The following SORBS2 variants were observed in gnomAD, a reference collection of about 807,000 sequenced individuals.
SORBS2 encodes the protein sorbin and SH3 domain-containing protein 2.
A neutral mutation model predicts 97.7 loss-of-function variants in SORBS2; 46 were observed. The ratio of observed to expected loss-of-function variants is 0.47; its 90% CI spans 0.37 to 0.60. SORBS2 has a LOEUF of 0.60. Ranked by LOEUF, SORBS2 falls within the 20% of genes least tolerant of loss-of-function variation. The pLI, the probability that SORBS2 is intolerant of heterozygous loss-of-function variation, is 0.00. For synonymous variants in SORBS2, 476 were observed against 473.4 expected (o/e 1.01, Z -0.07); for missense variants, 1,316 against 1,282.3 (o/e 1.03, Z -0.40).
At chr4:185,917,931 A>G (rs2099259063) in intron 1 of SORBS2, among the ~76,000 whole-genome samples, 1 of 152,220 alleles carries the variant, frequency 6.6e-6, no homozygotes. Flanking sequence ...CCTGACTGTC[A>G]ACGATAGAAC....
In SORBS2 at chr4:185,885,998, CT is replaced by C. The variant is rs2099239213; in HGVS notation, c.-338+70197del. ...AAAATCCACAGCATTAGACATGTCT[CT>C]TGTAAGTTACTGCGCCCCTTAGTAA... is the stretch of plus-strand genomic sequence containing the variant. On this transcript the variant is annotated intron_variant, in intron 1 of 20. Transcript: ENST00000284776. Among the ~76,000 whole-genome samples, 3 of 152,320 alleles carry C rather than the reference CT, an allele frequency of 2.0e-5. No homozygotes were observed. The South Asian group carries it at 6.2e-4, about 32-fold the overall frequency.
At chr4:185,728,879 C>T (rs903373066) in intron 2 of SORBS2, among the ~76,000 whole-genome samples, 1 of 152,246 alleles carries the variant, frequency 6.6e-6, no homozygotes, top group African/African-American at 2.4e-5. Flanking sequence ...CCAGTGGCAT[C>T]TCCAGCCCTG....
chr4:185,872,700 A>C (rs1200852850), intron 1 of SORBS2, among the ~76,000 whole-genome samples: 1 of 152,218 alleles, frequency 6.6e-6, no homozygotes, highest in African/African-American at 2.4e-5. Flanking sequence ...GGAAGAGAAA[A>C]AGAGAAATGT....
intron 2 of SORBS2, among the ~76,000 whole-genome samples, chr4:185,691,856 T>C (rs1021210753): frequency 3.9e-5 from 6 of 152,174 alleles, no homozygotes; most frequent in African/African-American, 1.4e-4. Flanking sequence ...GCCATTCTTC[T>C]GCCTCAGCCT....
intron 1 of SORBS2, among the ~76,000 whole-genome samples, chr4:185,950,578 C>T (rs1265859998): frequency 2.0e-5 from 3 of 152,194 alleles, no homozygotes; most frequent in East Asian, 1.9e-4. Context: ...GTGTGCCTGA[C>T]GGTGTGGCTC....
At chr4:185,634,245 A>G (rs77735320) in intron 4 of SORBS2, among the ~76,000 whole-genome samples, 4 of 152,070 alleles carry the variant, frequency 2.6e-5, no homozygotes, top group African/African-American at 4.8e-5. Context: ...TTTTCTTGAG[A>G]CTCTATACCT....
At chr4:185,899,631 C>A (rs1443177714) in intron 1 of SORBS2, among the ~76,000 whole-genome samples, 1 of 152,122 alleles carries the variant, frequency 6.6e-6, no homozygotes, top group Non-Finnish European at 1.5e-5. Flanking sequence ...TGCCCAGGCA[C>A]TCCCAGAGCC....
chr4:185,652,246 G>A (rs1033898914), intron 2 of SORBS2, among the ~76,000 whole-genome samples: 13 of 152,150 alleles, frequency 8.5e-5, no homozygotes, highest in South Asian at 2.1e-4. Flanking sequence ...GCTCTGGATC[G>A]CAAATTTCCT....
chr4:185,614,159 G>GTTTTTTTTTTTTTTT (rs34929054), intron 11 of SORBS2, among the ~76,000 whole-genome samples: 46 of 91,622 alleles, frequency 5.0e-4, no homozygotes, highest in East Asian at 2.4e-3. Context: ...GTTTTTTTGT[G>GTTTTTTTTTTTTTTT]TTTTTTTTTT....
chr4:185,932,753 G>A (rs2099267104), intron 1 of SORBS2, among the ~76,000 whole-genome samples: 1 of 152,148 alleles, frequency 6.6e-6, no homozygotes, highest in Non-Finnish European at 1.5e-5. Context: ...CGGTTGCCCT[G>A]GCCACACCAT....
intron 1 of SORBS2, among the ~76,000 whole-genome samples, chr4:185,938,391 C>CACACAT (rs1554055093): frequency 2.7e-4 from 19 of 70,734 alleles, no homozygotes; most frequent in African/African-American, 9.0e-4. Context: ...TAGACACATA[C>CACACAT]ACACACACAC....
At position 185,809,455 on chromosome 4, in the gene SORBS2, C is replaced by CAAAAAAAAAAAAAAAAA. The variant is rs55713465; in HGVS notation, c.-337-34106_-337-34090dup. On this transcript the variant is annotated intron_variant, in intron 1 of 20. Transcript: ENST00000284776. Reference sequence around the variant, plus strand: ...GACTCTTCAGGGGGCACTGCATTTGCAAAAAAAAAAAAAAAAAAAAAAAAA... The same window carrying CAAAAAAAAAAAAAAAAA: ...GACTCTTCAGGGGGCACTGCATTTGCAAAAAAAAAAAAAAAAAAAAAAAAAAAAAAAAAAAAAAAAAA... Among the ~76,000 whole-genome samples, 11 of 47,290 alleles carry CAAAAAAAAAAAAAAAAA rather than the reference C, an allele frequency of 2.3e-4. 2 individuals carry two copies. The highest frequency in any genetic ancestry group is 2.9e-3 in the South Asian group (2 of 680). 31.0% of individuals were successfully genotyped at this position (47,290 alleles called of 152,430 possible).
chr4:185,940,132 C>T (rs900240071), intron 1 of SORBS2, among the ~76,000 whole-genome samples: 1 of 152,150 alleles, frequency 6.6e-6, no homozygotes, highest in African/African-American at 2.4e-5. Flanking sequence ...TGGTCCATGG[C>T]CTTCCCACCT....
At chr4:185,880,241 G>T (rs1356904113) in intron 1 of SORBS2, among the ~76,000 whole-genome samples, 1 of 152,180 alleles carries the variant, frequency 6.6e-6, no homozygotes, top group Non-Finnish European at 1.5e-5. Context: ...CTGTTTTCAA[G>T]GCAACCCACT....
intron 1 of SORBS2, among the ~76,000 whole-genome samples, chr4:185,827,123 C>CCAT (rs148955951): frequency 1.2e-5 from 1 of 81,972 alleles, no homozygotes; most frequent in Non-Finnish European, 2.6e-5. Flanking sequence ...ATCATCATCA[C>CCAT]CATCATCATC....
rs550694425 is a variant in SORBS2, at chr4:185,728,556, T to C, written c.-198+46671A>G. 1.1e-4 allele frequency among the ~76,000 whole-genome samples: 16 copies of C among 152,324 alleles called. No individual in the cohort carries two copies. In the South Asian group the frequency reaches 3.3e-3, roughly 32 times the overall value. On this transcript the variant is annotated intron_variant, in intron 2 of 20. Transcript: ENST00000284776. Reference sequence around the variant, plus strand: ...GGTGAAGCAGCAAAACCACAGGCTCTTGTTTCTAAATCTGGTTAACTGAAT... The same window carrying C: ...GGTGAAGCAGCAAAACCACAGGCTCCTGTTTCTAAATCTGGTTAACTGAAT...
At chr4:185,877,636 A>G (rs11132361) in intron 1 of SORBS2, among the ~76,000 whole-genome samples, 61,780 of 151,746 alleles carry the variant, frequency 0.41, 12,920 homozygotes, top group East Asian at 0.56. Context: ...GGAGGCCAAG[A>G]CAGGTAGATC....
intron 1 of SORBS2, among the ~76,000 whole-genome samples, chr4:185,890,476 G>C (rs972489329): frequency 6.6e-6 from 1 of 152,270 alleles, no homozygotes; most frequent in African/African-American, 2.4e-5. Context: ...GGTTTAGCCA[G>C]GATTAGAACT....
intron 3 of SORBS2, 97 bp from the exon 13 acceptor site, chr4:185,646,879 AGTTTT>A: frequency 4.2e-6 from 3 of 708,774 alleles, no homozygotes; most frequent in Admixed American, 5.1e-5. Context: ...CTTTTAGCAT[AGTTTT>A]AAAAAAAATC....
Sources: gnomAD v4.1 joint callset for allele counts (sites outside exome capture counted in the v4.1 genomes callset) on GRCh38, gnomAD v4.1.1 for gene constraint, MANE v1.5 for transcripts, NCBI Gene and HGNC (gene_info 2026-07-23, HGNC 2026-07-21) for gene names.